The following CASP10 variants were observed in gnomAD, a reference collection of about 807,000 sequenced individuals.
CASP10 encodes the protein caspase-10.
In CASP10, 41 loss-of-function variants were observed where a neutral mutation model predicts 48.5. That is an observed-to-expected ratio of 0.85 (90% CI 0.66 to 1.10). The LOEUF (loss-of-function observed/expected upper bound fraction) is 1.10, where lower values mean the gene tolerates loss of function less well. Among genes scored for constraint, CASP10 ranks in the 50% least tolerant of loss-of-function variants. CASP10 has a pLI of 0.00. For missense variants in CASP10, 614 were observed against 614.5 expected (o/e 1.00, Z 0.01); for synonymous variants, 232 against 238.4 (o/e 0.97, Z 0.25).
chr2:201,221,787 AG>A (rs1464231403), downstream of CASP10: 4 of 152,174 alleles, frequency 2.6e-5, no homozygotes, highest in Non-Finnish European at 4.4e-5. Context: ...GCTAGAACTT[AG>A]TGCTTGTGCA....
intron 4 of CASP10, among the ~76,000 whole-genome samples, chr2:201,193,564 T>G (rs1479425352): frequency 1.3e-5 from 2 of 152,180 alleles, no homozygotes; most frequent in Non-Finnish European, 2.9e-5. Flanking sequence ...GCCAGAAATC[T>G]TCCCCTTCGT....
At chr2:201,226,253 C>T (rs549676029), downstream of CASP10, among the ~76,000 whole-genome samples, 1 of 152,242 alleles carries the variant, frequency 6.6e-6, no homozygotes, top group East Asian at 1.9e-4. Context: ...AATACAGCCA[C>T]AGTGAGATAG....
chr2:201,217,867 GAC>G lies in CASP10; in HGVS notation c.*130_*131del, dbSNP rs1945624035. 1 of 1,595,466 alleles carries G rather than the reference GAC, an allele frequency of 6.3e-7. No homozygotes were observed. The highest frequency in any genetic ancestry group is 1.4e-5 in the African/African-American group (1 of 74,000). On this transcript the variant is annotated 3_prime_UTR_variant, in exon 10 of 10. Transcript: ENST00000286186. ...AGAAACAGGAAACACCGTGTTTTCT[GAC>G]ACAGTCAATTCTGATTTTCTTTTTC...
Position 201,221,406 on chromosome 2 carries a change from A to C in CASP10, c.*3665A>C. 1 of 455,182 alleles carries C rather than the reference A, an allele frequency of 2.2e-6. No individual in the cohort carries two copies. The highest frequency in any genetic ancestry group is 2.9e-6 in the Non-Finnish European group (1 of 345,456). The allele number at this position is 455,182 out of a possible 1,614,324, so 28.2% of individuals were successfully genotyped here. A position where few individuals can be genotyped will look rare whatever the true frequency, so the allele number is the denominator to read the frequency against. ...CTGAAGAATCACAAAAGAAGTGAAAATGGCCTGTTCCTGCCTTAACTGATG... is the reference window on the plus strand; with the variant it reads ...CTGAAGAATCACAAAAGAAGTGAAACTGGCCTGTTCCTGCCTTAACTGATG... On this transcript the variant is annotated 3_prime_UTR_variant, in exon 10 of 10. Coordinates refer to ENST00000286186, the MANE Select transcript of CASP10 (RefSeq NM_032977.4).
intron 3 of CASP10, among the ~76,000 whole-genome samples, chr2:201,188,739 A>G (rs1944500184): frequency 6.6e-6 from 1 of 152,002 alleles, no homozygotes; most frequent in Non-Finnish European, 1.5e-5. Context: ...GTTTGGCAAG[A>G]CTATAGGTAG....
chr2:201,183,859 T>C (rs771778830), intron 1 of CASP10, among the ~76,000 whole-genome samples: 15 of 33,946 alleles, frequency 4.4e-4, no homozygotes, highest in African/African-American at 1.7e-3. Context: ...TTCCTTCCTT[T>C]ATTTATTTAT....
intron 9 of CASP10, 54 bp from the exon 10 acceptor site, chr2:201,217,533 TG>T: frequency 8.4e-7 from 1 of 1,191,958 alleles, no homozygotes; most frequent in Non-Finnish European, 1.3e-6. Context: ...CACTCCAGCC[TG>T]GGCGACAGAG....
chr2:201,198,136 C>A (rs116762602), intron 5 of CASP10, among the ~76,000 whole-genome samples: 1 of 151,826 alleles, frequency 6.6e-6, no homozygotes, highest in African/African-American at 2.4e-5. Context: ...GTGCTTTTGG[C>A]GATTTGTATA....
intron 4 of CASP10, 87 bp downstream of exon 4, chr2:201,193,206 T>C: frequency 7.3e-7 from 1 of 1,372,492 alleles, no homozygotes; most frequent in Non-Finnish European, 1.0e-6. Context: ...TTATTTGTTT[T>C]GTTTTGTTTT....
chr2:201,219,905 G>A lies in CASP10; in HGVS notation c.*2164G>A. ...TCCTCATTTACTGGATTTGACTTCA[G>A]CCAGGTGAACTGGAATGCCTTGGGG... On this transcript the variant is annotated 3_prime_UTR_variant, in exon 10 of 10. Transcript: ENST00000286186. 2.0e-6 allele frequency: 2 copies of A among 985,394 alleles called. No individual in the cohort carries two copies. Among genetic ancestry groups the A allele is most frequent in the Non-Finnish European group, 2.4e-6 (2 of 829,928 alleles). 61.0% of individuals were successfully genotyped at this position (985,394 alleles called of 1,614,324 possible). A position where few individuals can be genotyped will look rare whatever the true frequency, so the allele number is the denominator to read the frequency against.
Position 201,228,611 on chromosome 2 carries a change from C to G in CASP10, c.1416-322C>G, listed in dbSNP as rs13432499. 1.0e-2 allele frequency among the ~76,000 whole-genome samples: 1,522 copies of G among 152,282 alleles called. 32 individuals carry two copies. Among genetic ancestry groups the G allele is most frequent in the African/African-American group, 0.035 (1,448 of 41,542 alleles). ...GTTCCCATTTTACAGATCAGAAAAT[C>G]AAGGCCCAGAGAAACTAAGTAGTCT... is the stretch of plus-strand genomic sequence containing the variant. On this transcript the variant is annotated intron_variant, in intron 9 of 9. Coordinates refer to the CASP10 transcript ENST00000272879.
chr2:201,185,082 C>A (rs115407041), intron 1 of CASP10, among the ~76,000 whole-genome samples: 2,216 of 152,168 alleles, frequency 0.015, 34 homozygotes, highest in Middle Eastern at 0.031. Context: ...ACCTGTGCTC[C>A]CCAGGCTCAA....
At chr2:201,226,354 G>A (rs1040504538), downstream of CASP10, among the ~76,000 whole-genome samples, 1 of 152,254 alleles carries the variant, frequency 6.6e-6, no homozygotes, top group East Asian at 1.9e-4. Context: ...CTATTACATC[G>A]ATCTAGGAAA....
chr2:201,196,220 C>T (rs2126023619), intron 5 of CASP10, among the ~76,000 whole-genome samples: 1 of 152,298 alleles, frequency 6.6e-6, no homozygotes, highest in East Asian at 1.9e-4. Flanking sequence ...CCCCACACCC[C>T]TGAGTTGCTC....
chr2:201,210,718 A>G (rs1057068377), intron 9 of CASP10, among the ~76,000 whole-genome samples: 1 of 152,194 alleles, frequency 6.6e-6, no homozygotes, highest in Non-Finnish European at 1.5e-5. Flanking sequence ...AGAGCGTACT[A>G]TGTGCTTACT....
intron 9 of CASP10, among the ~76,000 whole-genome samples, chr2:201,217,255 C>A (rs1369386463): frequency 6.6e-6 from 1 of 152,102 alleles, no homozygotes; most frequent in Non-Finnish European, 1.5e-5. Flanking sequence ...GTGGTTTCTA[C>A]CTCCTGACTG....
At chr2:201,193,240 C>T (rs977830731) in intron 4 of CASP10, 121 bp downstream of exon 4, 7 of 1,016,418 alleles carry the variant, frequency 6.9e-6, no homozygotes, top group Non-Finnish European at 1.0e-5. Context: ...GTCTCACTCA[C>T]TCTGTCACCC....
intron 5 of CASP10, among the ~76,000 whole-genome samples, chr2:201,201,908 T>A (rs1945032724): frequency 6.6e-6 from 1 of 152,256 alleles, no homozygotes; most frequent in Non-Finnish European, 1.5e-5. Flanking sequence ...AAATTAAATT[T>A]ATTTTTTTCT....
chr2:201,206,739 C>A (rs1477052566), intron 7 of CASP10, among the ~76,000 whole-genome samples: 1 of 151,516 alleles, frequency 6.6e-6, no homozygotes, highest in Admixed American at 6.6e-5. Context: ...ACCATGCCAG[C>A]TTGTATATTA....
Sources: gnomAD v4.1 joint callset for allele counts (sites outside exome capture counted in the v4.1 genomes callset) on GRCh38, gnomAD v4.1.1 for gene constraint, MANE v1.5 for transcripts, NCBI Gene and HGNC (gene_info 2026-07-23, HGNC 2026-07-21) for gene names.